Variants in EPM2A observed in about 807,000 individuals in gnomAD.
EPM2A encodes the protein EPM2A glucan phosphatase, laforin, also known as laforin.
A neutral mutation model predicts 26.5 loss-of-function variants in EPM2A; 21 were observed. The observed-to-expected ratio is 0.79, with a 90% confidence interval of 0.56 to 1.14. The LOEUF (loss-of-function observed/expected upper bound fraction) is 1.14. EPM2A is among the 50% of genes most tolerant of loss of function. EPM2A has a pLI of 0.00. For synonymous variants in EPM2A, 217 were observed against 177.6 expected, an observed-to-expected ratio of 1.22 and a Z score of -1.76; for missense variants, 458 against 440.8, an observed-to-expected ratio of 1.04 and a Z score of -0.35.
chr6:145,629,956 C>T (rs1776126056), intron 3 of EPM2A: 1 of 152,282 alleles, frequency 6.6e-6, no homozygotes, highest in Non-Finnish European at 1.5e-5. Flanking sequence ...TCCCTGGTCC[C>T]AGTCAAGATC....
chr6:145,587,947 G>A (rs1356930812), intron 2 of EPM2A, among the ~76,000 whole-genome samples: 1 of 152,134 alleles, frequency 6.6e-6, no homozygotes, highest in African/African-American at 2.4e-5. Context: ...CAAAACTTCT[G>A]AATTAATATT....
chr6:145,703,384 T>C (rs1782040778), intron 1 of EPM2A, among the ~76,000 whole-genome samples: 1 of 152,144 alleles, frequency 6.6e-6, no homozygotes, highest in Non-Finnish European at 1.5e-5. Flanking sequence ...AGCCACCACA[T>C]GTGACCTTAG....
At chr6:145,393,606 A>C (rs1419659404) in intron 4 of EPM2A, among the ~76,000 whole-genome samples, 2 of 152,070 alleles carry the variant, frequency 1.3e-5, no homozygotes, top group African/African-American at 2.4e-5. Flanking sequence ...CAAATTAATA[A>C]TCAAACGGTC....
At chr6:145,733,221 ACAGT>A (rs1265070702) in intron 1 of EPM2A, among the ~76,000 whole-genome samples, 1 of 152,212 alleles carries the variant, frequency 6.6e-6, no homozygotes, top group Non-Finnish European at 1.5e-5. Context: ...TAGAAAGTCA[ACAGT>A]CAATTTTTAA....
At chr6:145,725,826 A>T (rs978698653) in intron 1 of EPM2A, among the ~76,000 whole-genome samples, 4 of 152,112 alleles carry the variant, frequency 2.6e-5, no homozygotes, top group African/African-American at 9.6e-5. Flanking sequence ...AGTCGAAATG[A>T]GACTATCATA....
chr6:145,576,382 A>G lies in EPM2A; in HGVS notation c.340+58863T>C, dbSNP rs568883349. On this transcript the variant is annotated intron_variant, in intron 2 of 3. Transcript: ENST00000450221. Reference sequence around the variant, plus strand: ...AGTCTGGAAATGAGGCCTTAGGGGCAAGAAATTTTCTTATCAAGACATCAC... The same window carrying G: ...AGTCTGGAAATGAGGCCTTAGGGGCGAGAAATTTTCTTATCAAGACATCAC... 4.6e-5 allele frequency among the ~76,000 whole-genome samples: 7 copies of G among 152,334 alleles called. No homozygotes were observed. The South Asian group carries it at 1.5e-3, about 32-fold the overall frequency.
chr6:145,717,401 T>C (rs967707968), intron 1 of EPM2A, among the ~76,000 whole-genome samples: 10 of 152,124 alleles, frequency 6.6e-5, no homozygotes, highest in Non-Finnish European at 1.5e-5. Context: ...GAAAAGGCCT[T>C]TGACAAAATT....
intron 1 of EPM2A, among the ~76,000 whole-genome samples, chr6:145,733,987 G>C (rs2128647438): frequency 6.6e-6 from 1 of 152,214 alleles, no homozygotes; most frequent in Non-Finnish European, 1.5e-5. Context: ...TTCAGACACT[G>C]TTGGCGGGAG....
At chr6:145,434,496 G>T (rs897711774) in intron 4 of EPM2A, among the ~76,000 whole-genome samples, 1 of 151,836 alleles carries the variant, frequency 6.6e-6, no homozygotes, top group Non-Finnish European at 1.5e-5. Flanking sequence ...CTGCTTTTAA[G>T]TAATCATTTT....
intron 4 of EPM2A, among the ~76,000 whole-genome samples, chr6:145,393,833 T>A (rs1460128568): frequency 8.0e-6 from 1 of 124,648 alleles, no homozygotes; most frequent in African/African-American, 2.9e-5. Context: ...TTTTTTCTTT[T>A]TTTTTTTTGA....
chr6:145,518,218 G>C (rs1182777156), intron 2 of EPM2A, among the ~76,000 whole-genome samples: 7 of 152,160 alleles, frequency 4.6e-5, no homozygotes, highest in Non-Finnish European at 8.8e-5. Flanking sequence ...ACTTACACTA[G>C]AAGTTTTTGG....
downstream of EPM2A, among the ~76,000 whole-genome samples, chr6:145,497,451 GC>G (rs1250194039): frequency 1.3e-5 from 2 of 152,208 alleles, no homozygotes; most frequent in Non-Finnish European, 2.9e-5. Flanking sequence ...CATGTTGCCA[GC>G]CCAAATGCAC....
At chr6:145,733,578 T>A (rs965145051) in intron 1 of EPM2A, among the ~76,000 whole-genome samples, 1 of 152,132 alleles carries the variant, frequency 6.6e-6, no homozygotes, top group Non-Finnish European at 1.5e-5. Flanking sequence ...AAAGGGAAGA[T>A]CTTTGTTTCA....
chr6:145,521,846 TG>T (rs1437084041), intron 2 of EPM2A, among the ~76,000 whole-genome samples: 1 of 152,236 alleles, frequency 6.6e-6, no homozygotes, highest in African/African-American at 2.4e-5. Context: ...ACAGCATGAC[TG>T]TGTGACTAAT....
chr6:145,705,598 C>T (rs986488870), intron 1 of EPM2A: 5 of 455,828 alleles, frequency 1.1e-5, no homozygotes, highest in African/African-American at 8.0e-5. Context: ...TGATTATCTC[C>T]CATGTTAGAG....
At chr6:145,569,576 C>T (rs752479606) in intron 2 of EPM2A, among the ~76,000 whole-genome samples, 9 of 152,182 alleles carry the variant, frequency 5.9e-5, no homozygotes, top group Admixed American at 1.3e-4. Flanking sequence ...TCATTTGTCC[C>T]CATCTAAATG....
At chr6:145,460,883 TA>T (rs11325308) in intron 4 of EPM2A, among the ~76,000 whole-genome samples, 8,894 of 152,072 alleles carry the variant, frequency 0.058, 849 homozygotes, top group African/African-American at 0.2. Flanking sequence ...CATATTCTCT[TA>T]AAAAAAATCC....
At chr6:145,703,577 C>T (rs1295262887) in intron 1 of EPM2A, among the ~76,000 whole-genome samples, 1 of 152,114 alleles carries the variant, frequency 6.6e-6, no homozygotes, top group Non-Finnish European at 1.5e-5. Context: ...ATACAGAATA[C>T]AGTGATTATG....
intron 4 of EPM2A, among the ~76,000 whole-genome samples, chr6:145,435,228 G>C (rs958935422): frequency 6.6e-6 from 1 of 151,980 alleles, no homozygotes; most frequent in Non-Finnish European, 1.5e-5. Context: ...GAAGTATAAG[G>C]TATAAATGAG....
Sources: allele counts gnomAD v4.1 joint callset (sites outside exome capture counted in the v4.1 genomes callset), GRCh38; gene constraint gnomAD v4.1.1; transcripts MANE v1.5; gene names NCBI Gene and HGNC (gene_info 2026-07-23, HGNC 2026-07-21).